The following TMEM268 variants were observed in gnomAD, a reference collection of about 807,000 sequenced individuals.
The protein encoded by TMEM268 is transmembrane protein C9orf91.
A neutral mutation model predicts 39.1 loss-of-function variants in TMEM268; 24 were observed. The observed-to-expected ratio is 0.61, with a 90% CI of 0.44 to 0.86. The LOEUF (loss-of-function observed/expected upper bound fraction) is 0.86, where lower values mean the gene tolerates loss of function less well. Among genes scored for constraint, TMEM268 ranks in the 40% least tolerant of loss-of-function variants. The probability of loss-of-function intolerance (pLI) is 0.00; values close to 1 mark genes in which losing one functional copy is unlikely to be tolerated. For synonymous variants in TMEM268, 176 were observed against 173.5 expected (o/e 1.01, Z -0.12); for missense variants, 409 against 428.6 (o/e 0.95, Z 0.40).
intron 8 of TMEM268, among the ~76,000 whole-genome samples, chr9:114,639,006 T>C (rs1011831363): frequency 6.6e-6 from 1 of 152,262 alleles, no homozygotes; most frequent in Non-Finnish European, 1.5e-5. Flanking sequence ...AGTTGCATGT[T>C]GATAGATTAT....
chr9:114,624,275 G>T, intron 2 of TMEM268, 75 bp from the exon 3 acceptor site: 1 of 1,536,670 alleles, frequency 6.5e-7, no homozygotes, highest in Non-Finnish European at 8.8e-7. Flanking sequence ...GTGTGATGCC[G>T]CCAGGCTTCG....
chr9:114,633,495 A>T lies in TMEM268; in HGVS notation c.475-273A>T, dbSNP rs147855630. The stretch of plus-strand genomic sequence containing the variant: ...AATTTTTAAACAATTTTTTATAGAG[A>T]CGGCATCTCGCTACATTGTCCAGGC... On this transcript the variant is annotated intron_variant, in intron 5 of 8. Transcript: ENST00000288502. Among the ~76,000 whole-genome samples, 207 of 151,948 alleles carry T rather than the reference A, an allele frequency of 1.4e-3. 1 individual carries two copies. The highest frequency in any genetic ancestry group is 4.2e-3 in the African/African-American group (176 of 41,466).
At chr9:114,616,088 T>C (rs935042662) in intron 1 of TMEM268, among the ~76,000 whole-genome samples, 5 of 148,430 alleles carry the variant, frequency 3.4e-5, no homozygotes, top group Admixed American at 1.4e-4. Flanking sequence ...CGATCTCTGC[T>C]CACTGCAAGC....
chr9:114,615,139 C>T (rs1470209986), intron 1 of TMEM268, among the ~76,000 whole-genome samples: 6 of 152,036 alleles, frequency 3.9e-5, no homozygotes, highest in African/African-American at 1.4e-4. Flanking sequence ...TCAAGTGATC[C>T]GCCCGCCTCA....
At chr9:114,625,453 T>C (rs1233394504) in intron 3 of TMEM268, among the ~76,000 whole-genome samples, 1 of 151,212 alleles carries the variant, frequency 6.6e-6, no homozygotes, top group Non-Finnish European at 1.5e-5. Context: ...CTTTTTTTTT[T>C]TTTTTTTTCA....
intron 6 of TMEM268, 21 bp downstream of exon 6, chr9:114,633,899 C>G: frequency 7.0e-7 from 1 of 1,429,524 alleles, no homozygotes; most frequent in Non-Finnish European, 9.6e-7. Flanking sequence ...TCATAGTTAC[C>G]TCTTCCTGAT....
upstream of TMEM268, among the ~76,000 whole-genome samples, chr9:114,606,925 T>A: frequency 6.6e-6 from 1 of 152,182 alleles, no homozygotes; most frequent in Non-Finnish European, 1.5e-5. Flanking sequence ...GCCTTTTCAC[T>A]TACTCATCCA....
chr9:114,641,465 C>T (rs567146513), intron 8 of TMEM268, among the ~76,000 whole-genome samples: 1 of 152,294 alleles, frequency 6.6e-6, no homozygotes, highest in South Asian at 2.1e-4. Context: ...TAAGCATTTC[C>T]CCTGAGATCC....
intron 2 of TMEM268, among the ~76,000 whole-genome samples, chr9:114,617,764 G>A (rs1322033699): frequency 6.6e-6 from 1 of 152,092 alleles, no homozygotes; most frequent in South Asian, 2.1e-4. Flanking sequence ...TAGAGTTGGG[G>A]CCTTACTTTG....
chr9:114,628,271 T>C, intron 5 of TMEM268, 21 bp downstream of exon 5: 3 of 1,609,316 alleles, frequency 1.9e-6, no homozygotes, highest in Non-Finnish European at 2.5e-6. Flanking sequence ...TGGAGATCCC[T>C]GCCACACTCT....
At chr9:114,622,453 G>A in intron 2 of TMEM268, 3 of 985,276 alleles carry the variant, frequency 3.0e-6, no homozygotes, top group Non-Finnish European at 3.6e-6. Flanking sequence ...GTGGTGCAAG[G>A]AGATCTCGAT....
intron 2 of TMEM268, among the ~76,000 whole-genome samples, chr9:114,623,305 G>A (rs551029990): frequency 2.0e-5 from 3 of 152,086 alleles, no homozygotes; most frequent in East Asian, 3.9e-4. Flanking sequence ...GTGCCACCAC[G>A]CCCGGCTAAT....
At chr9:114,605,031 C>T in the TMEM268 span, among the ~76,000 whole-genome samples, 484 of 152,304 alleles carry the variant, frequency 3.2e-3, 3 homozygotes, top group African/African-American at 0.011. Flanking sequence ...TCCTGTAACC[C>T]CAGTAAAGCC....
At chr9:114,627,667 C>T (rs1237403119) in intron 4 of TMEM268, among the ~76,000 whole-genome samples, 4 of 152,136 alleles carry the variant, frequency 2.6e-5, no homozygotes, top group African/African-American at 9.7e-5. Flanking sequence ...TGGGCTGTTA[C>T]TTATGTTGCC....
Position 114,627,428 on chromosome 9 carries a change from A to G in TMEM268, c.324+422A>G, listed in dbSNP as rs141534449. ...ACACATATGTATATATATATAAAAT[A>G]TATGTATACATCTTCATATTGATAC... On this transcript the variant is annotated intron_variant, in intron 4 of 8. Coordinates refer to ENST00000288502, the MANE Select transcript of TMEM268 (RefSeq NM_153045.4). Among the ~76,000 whole-genome samples, 1,044 of 152,328 alleles carry G rather than the reference A, an allele frequency of 6.9e-3. 13 individuals are homozygous for G. The highest frequency in any genetic ancestry group is 0.034 in the East Asian group (174 of 5,188).
intron 5 of TMEM268, among the ~76,000 whole-genome samples, chr9:114,631,157 T>C (rs1846376543): frequency 6.6e-6 from 1 of 151,624 alleles, no homozygotes; most frequent in Non-Finnish European, 1.5e-5. Flanking sequence ...CTACAAAAAA[T>C]AAAATCAGCG....
chr9:114,636,426 C>T (rs74509471), intron 6 of TMEM268, among the ~76,000 whole-genome samples: 5,579 of 152,232 alleles, frequency 0.037, 160 homozygotes, highest in South Asian at 0.11. Context: ...CGGAGTCTGT[C>T]TGGGATGCTC....
upstream of TMEM268, among the ~76,000 whole-genome samples, chr9:114,607,805 G>A (rs574297792): frequency 3.9e-5 from 6 of 152,148 alleles, no homozygotes; most frequent in Non-Finnish European, 8.8e-5. Context: ...GAGTTGGTTC[G>A]TCAGGTAGAA....
chr9:114,639,355 T>TC (rs1846788862), intron 8 of TMEM268, among the ~76,000 whole-genome samples: 1 of 150,272 alleles, frequency 6.7e-6, no homozygotes, highest in African/African-American at 2.5e-5. Flanking sequence ...CAGGCTGGTC[T>TC]CCAACTCCTG....
Sources: allele counts gnomAD v4.1 joint callset (sites outside exome capture counted in the v4.1 genomes callset), GRCh38; gene constraint gnomAD v4.1.1; transcripts MANE v1.5; gene names NCBI Gene and HGNC (gene_info 2026-07-23, HGNC 2026-07-21).